LMAN1: variants seen among roughly 807,000 people sequenced by gnomAD.
LMAN1 encodes the protein protein ERGIC-53.
In LMAN1, 32 loss-of-function variants were observed where a neutral mutation model predicts 67.8. The observed-to-expected ratio is 0.47, with a 90% CI of 0.36 to 0.63. The LOEUF is 0.63. Ranked by LOEUF, LMAN1 falls within the 30% of genes least tolerant of loss-of-function variation. The pLI is 0.00. For synonymous variants in LMAN1, 235 were observed against 219.3 expected, an observed-to-expected ratio of 1.07 and a Z score of -0.63; for missense variants, 632 against 628.2, an observed-to-expected ratio of 1.01 and a Z score of -0.06.
chr18:59,338,851 T>C lies in LMAN1; in HGVS notation c.1058A>G (p.Asp353Gly). Reference sequence around the variant, plus strand: ...TCTTCTCTGTTCATCAAGAATCATATCTAACTGCCGGTTCAGCTGCTTGAT... The same window carrying C: ...TCTTCTCTGTTCATCAAGAATCATACCTAACTGCCGGTTCAGCTGCTTGAT... ...LEIKQLNRQL[D>G]MILDEQRRYV... Residue 353 changes from aspartate to glycine, a missense_variant, in exon 9 of 13, where the codon GAT becomes GGT. Asp to Gly is a moderately conservative substitution (Grantham distance 94, BLOSUM62 -1). Transcript: ENST00000251047. The C allele has an allele frequency of 1.2e-6, 2 of 1,613,968 alleles. No individual in the cohort carries two copies. Among genetic ancestry groups the C allele is most frequent in the Non-Finnish European group, 1.7e-6 (2 of 1,179,964 alleles).
chr18:59,359,026 C>G lies in LMAN1; in HGVS notation c.214+5G>C. On this transcript the variant is annotated splice_donor_5th_base_variant and intron_variant, in intron 1 of 12. Transcript: ENST00000251047. Reference sequence around the variant, plus strand: ...CCCGGCCCCCAGCCCTCTGCTCCGGCTTACTCCCCGCGTGGGCCCAGAAGG... The same window carrying G: ...CCCGGCCCCCAGCCCTCTGCTCCGGGTTACTCCCCGCGTGGGCCCAGAAGG... The G allele has an allele frequency of 6.2e-7, 1 of 1,613,698 alleles. No individual in the cohort carries two copies. Among genetic ancestry groups the G allele is most frequent in the East Asian group, 2.2e-5 (1 of 44,860 alleles).
Position 59,328,796 on chromosome 18 carries a change from G to A in LMAN1, c.*2297C>T, listed in dbSNP as rs1171258328. Reference sequence around the variant, plus strand: ...ATTGTTTACTGTTTATGACTTCATGGTAAAGTTTTAAGCTGAATAAAACAT... The same window carrying A: ...ATTGTTTACTGTTTATGACTTCATGATAAAGTTTTAAGCTGAATAAAACAT... On this transcript the variant is annotated 3_prime_UTR_variant, in exon 13 of 13. Transcript: ENST00000251047. 1 of 152,014 alleles carries A rather than the reference G, an allele frequency of 6.6e-6. No individual in the cohort carries two copies. The highest frequency in any genetic ancestry group is 2.4e-5 in the African/African-American group (1 of 41,378). The allele number at this position is 152,014 out of a possible 1,614,324, so 9.4% of individuals were successfully genotyped here. A position where few individuals can be genotyped will look rare whatever the true frequency, so the allele number is the denominator to read the frequency against.
At chr18:59,352,904 CGTCT>C (rs1603395925) in intron 5 of LMAN1, 3 of 352,236 alleles carry the variant, frequency 8.5e-6, no homozygotes, top group South Asian at 2.4e-5. Context: ...GGAGATTATC[CGTCT>C]ATCTATCTAT....
At chr18:59,343,932 C>CA (rs1268886706) in intron 8 of LMAN1, among the ~76,000 whole-genome samples, 2 of 151,892 alleles carry the variant, frequency 1.3e-5, no homozygotes, top group Admixed American at 1.3e-4. Flanking sequence ...ACAAGGAACT[C>CA]AAACAACTCA....
chr18:59,332,204 T>G (rs2070751731), intron 11 of LMAN1, among the ~76,000 whole-genome samples: 1 of 152,076 alleles, frequency 6.6e-6, no homozygotes, highest in Non-Finnish European at 1.5e-5. Flanking sequence ...TTCAGTAAAT[T>G]GATACACACA....
At chr18:59,339,093 A>C in intron 8 of LMAN1, 140 bp from the exon 9 acceptor site, 1 of 679,790 alleles carries the variant, frequency 1.5e-6, no homozygotes, top group Non-Finnish European at 2.6e-6. Context: ...AACAGAAAAT[A>C]TGCAAATAAT....
chr18:59,339,469 C>A (rs528196302), intron 8 of LMAN1, among the ~76,000 whole-genome samples: 11 of 152,284 alleles, frequency 7.2e-5, no homozygotes, highest in African/African-American at 2.4e-4. Context: ...CAGGGCCCTG[C>A]AGTCCAAAAT....
chr18:59,340,603 G>A (rs889335968), intron 8 of LMAN1, among the ~76,000 whole-genome samples: 2 of 152,106 alleles, frequency 1.3e-5, no homozygotes, highest in African/African-American at 2.4e-5. Context: ...GGGGAAATCC[G>A]TCATTACCAG....
intron 3 of LMAN1, 22 bp from the exon 4 acceptor site, chr18:59,354,602 T>C (rs762513550): frequency 8.4e-7 from 1 of 1,195,556 alleles, no homozygotes; most frequent in South Asian, 1.2e-5. Context: ...GAAAACATTT[T>C]AAAAAATGTC....
intron 10 of LMAN1, among the ~76,000 whole-genome samples, chr18:59,333,892 A>T (rs534932841): frequency 2.4e-3 from 366 of 152,266 alleles, no homozygotes; most frequent in South Asian, 6.4e-3. Flanking sequence ...AAATAACACT[A>T]TATGTCAGAC....
At chr18:59,347,719 T>C (rs1908451094) in intron 6 of LMAN1, 148 bp from the exon 7 acceptor site, 1 of 643,346 alleles carries the variant, frequency 1.6e-6, no homozygotes, top group South Asian at 1.9e-5. Flanking sequence ...GTAAAGGCAA[T>C]GGCACTCTGT....
chr18:59,350,518 A>G (rs574574507), intron 5 of LMAN1, among the ~76,000 whole-genome samples: 1 of 152,282 alleles, frequency 6.6e-6, no homozygotes, highest in South Asian at 2.1e-4. Context: ...TTTTTGAGAC[A>G]GGGTCTCGCT....
chr18:59,351,773 T>C (rs1015296761), intron 5 of LMAN1, among the ~76,000 whole-genome samples: 1 of 152,230 alleles, frequency 6.6e-6, no homozygotes, highest in African/African-American at 2.4e-5. Context: ...GCACCCACCA[T>C]GCTTGATGTC....
At position 59,358,628 on chromosome 18, in the gene LMAN1, A is replaced by G. The variant is rs1295169156; in HGVS notation, c.214+403T>C. 1.1e-4 allele frequency among the ~76,000 whole-genome samples: 17 copies of G among 152,078 alleles called. No individual in the cohort carries two copies. The South Asian group carries it at 3.3e-3, about 30-fold the overall frequency. Reference sequence around the variant, plus strand: ...AAGGAAGTAAGGGGGCTTCTAGAACATGTCTCAGGTTGGGATGGCTGGGGG... The same window carrying G: ...AAGGAAGTAAGGGGGCTTCTAGAACGTGTCTCAGGTTGGGATGGCTGGGGG... On this transcript the variant is annotated intron_variant, in intron 1 of 12. Transcript: ENST00000251047.
Position 59,328,501 on chromosome 18 carries a change from C to G in LMAN1, c.*2592G>C, listed in dbSNP as rs948970702. The G allele has an allele frequency of 6.6e-6, 1 of 152,180 alleles. No individual in the cohort carries two copies. Among genetic ancestry groups the G allele is most frequent in the African/African-American group, 2.4e-5 (1 of 41,450 alleles). The allele number at this position is 152,180 out of a possible 1,614,324, so 9.4% of individuals were successfully genotyped here. A position where few individuals can be genotyped will look rare whatever the true frequency, so the allele number is the denominator to read the frequency against. On this transcript the variant is annotated 3_prime_UTR_variant, in exon 13 of 13. Coordinates refer to ENST00000251047, the MANE Select transcript of LMAN1 (RefSeq NM_005570.4). ...TAGGTATAAAAGAATCAGTGCATAT[C>G]TGTTAATGTCATTGACAATAAAAAT...
rs1908220642 is a variant in LMAN1, at chr18:59,338,772, C to T, written c.1137G>A (p.Gly379=). ...EISKRGAGMP[G]QHGQITQQEL... ...TCTGCAAGCCCACCTGCCCATGCTG[C>T]CCAGGCATTCCTGCTCCTCTTTTAG... The change falls in exon 9 of 13, where the codon GGG becomes GGA. Residue 379 remains glycine, a synonymous_variant. Coordinates refer to ENST00000251047, the MANE Select transcript of LMAN1 (RefSeq NM_005570.4). 1.9e-6 allele frequency: 3 copies of T among 1,613,978 alleles called. No individual in the cohort carries two copies. In the South Asian group the frequency reaches 3.3e-5, roughly 18 times the overall value.
At chr18:59,336,750 G>A (rs1267809554) in intron 10 of LMAN1, among the ~76,000 whole-genome samples, 1 of 152,020 alleles carries the variant, frequency 6.6e-6, no homozygotes, top group Non-Finnish European at 1.5e-5. Context: ...TGGGTGTGGT[G>A]GCATGTACCT....
In LMAN1 at chr18:59,359,155, G is replaced by GC. The variant is rs869312030; in HGVS notation, c.89dup (p.Asp31ArgfsTer72). 1.2e-6 allele frequency: 2 copies of GC among 1,614,036 alleles called. No homozygotes were observed. The highest frequency in any genetic ancestry group is 1.6e-4 in the Middle Eastern group (1 of 6,062). ...CCGCGGGGTCTCCTCCCACGCCGTC[G>GC]CCCCGGACGAAGCGACCGAGTGACA... On this transcript the variant is annotated frameshift_variant, in exon 1 of 13. Coordinates refer to ENST00000251047, the MANE Select transcript of LMAN1 (RefSeq NM_005570.4). LOFTEE classifies it high-confidence loss of function.
chr18:59,349,893 C>T (rs1382944512), intron 5 of LMAN1, among the ~76,000 whole-genome samples: 2 of 152,148 alleles, frequency 1.3e-5, no homozygotes, highest in African/African-American at 4.8e-5. Flanking sequence ...TCTCATTATC[C>T]CAGTCAAGCA....
Sources: gnomAD v4.1 joint callset for allele counts (sites outside exome capture counted in the v4.1 genomes callset) on GRCh38, gnomAD v4.1.1 for gene constraint, MANE v1.5 for transcripts, NCBI Gene and HGNC (gene_info 2026-07-23, HGNC 2026-07-21) for gene names.